Variants in ANO1 observed in about 807,000 individuals in gnomAD.
ANO1 encodes anoctamin 1.
In ANO1, 59 loss-of-function variants were observed where a neutral mutation model predicts 124.0. That is an observed-to-expected ratio of 0.48 (90% CI 0.39 to 0.59). The LOEUF (loss-of-function observed/expected upper bound fraction) is 0.59. ANO1 is among the 20% of genes least tolerant of loss of function. ANO1 has a pLI of 0.00. For missense variants in ANO1, 1,059 were observed against 1,328.0 expected (o/e 0.80, Z 3.15); for synonymous variants, 529 against 532.0 (o/e 0.99, Z 0.08).
chr11:70,180,656 G>A lies in ANO1; in HGVS notation c.2403+600G>A, dbSNP rs149748187. Among the ~76,000 whole-genome samples, 226 of 152,210 alleles carry A rather than the reference G, an allele frequency of 1.5e-3. 2 individuals are homozygous for A. The highest frequency in any genetic ancestry group is 5.2e-3 in the African/African-American group (215 of 41,540). ...GAGAATAAACAAGAGACAGAGATAG[G>A]TGGGAAGACAGAGACAGAGATAGGA... On this transcript the variant is annotated intron_variant, in intron 23 of 25. Transcript: ENST00000355303.
chr11:70,041,255 G>A (rs1295333653), intron 1 of ANO1, among the ~76,000 whole-genome samples: 4 of 152,336 alleles, frequency 2.6e-5, no homozygotes, highest in Middle Eastern at 3.4e-3. Flanking sequence ...GCAAACAGGA[G>A]AGGGCAAGTA....
chr11:70,030,201 C>T (rs1451092851), intron 1 of ANO1, among the ~76,000 whole-genome samples: 2 of 152,248 alleles, frequency 1.3e-5, no homozygotes, highest in East Asian at 3.8e-4. Flanking sequence ...GCCTTGGGGG[C>T]TGCAGCCCAG....
intron 4 of ANO1, 27 bp downstream of exon 4, chr11:70,104,177 C>T (rs1157848326): frequency 3.7e-6 from 6 of 1,600,084 alleles, no homozygotes; most frequent in Non-Finnish European, 4.3e-6. Context: ...AGCCTGCTCC[C>T]CAAAGGGTCC....
chr11:70,174,836 G>A (rs1327308367), intron 22 of ANO1, among the ~76,000 whole-genome samples: 2 of 152,046 alleles, frequency 1.3e-5, no homozygotes, highest in South Asian at 2.1e-4. Context: ...TGCAGTCCTC[G>A]GAAATTCTGG....
chr11:70,182,638 C>T lies in ANO1; in HGVS notation c.2540C>T (p.Thr847Met), dbSNP rs756184096. Residue 847 changes from threonine (T) to methionine (M), a missense_variant, in exon 24 of 26, where the codon ACG becomes ATG. This residue lies in a region of ANO1 where 809 missense variants were observed against 1,094.9 expected (regional missense o/e 0.74). Transcript: ENST00000355303. The stretch of plus-strand genomic sequence containing the variant: ...AACGTCAGTGACTTCCAGAACGGCA[C>T]GGCCCCCAATGACCCCCTGGACCTG... Reference protein sequence around the residue: ...SFNVSDFQNGTAPNDPLDLGY... With the variant: ...SFNVSDFQNGMAPNDPLDLGY... 6 of 1,612,308 alleles carry T rather than the reference C, an allele frequency of 3.7e-6. No homozygotes were observed. Among genetic ancestry groups the T allele is most frequent in the Admixed American group, 1.7e-5 (1 of 59,810 alleles).
chr11:70,163,393 T>A lies in ANO1; in HGVS notation c.1950+53T>A, dbSNP rs774131035. On this transcript the variant is annotated intron_variant, in intron 19 of 25. Coordinates refer to ENST00000355303, the MANE Select transcript of ANO1 (RefSeq NM_018043.7). ...AGCCCCTTCTGTCTTGCTTACGATT[T>A]GTCTACACCATGCACTTGGGAGAAG... 4.1e-5 allele frequency: 65 copies of A among 1,592,422 alleles called. No individual in the cohort carries two copies. The Admixed American group carries it at 1.1e-3, about 26-fold the overall frequency.
At position 70,088,023 on chromosome 11, in the gene ANO1, G is replaced by T. The variant is rs370908183; in HGVS notation, c.380G>T (p.Arg127Leu). ...MDYHEDDKRF[R>L]REEYEGNLLE... ...TACCACGAGGATGACAAGCGCTTCCGCAGGGAGGAGTACGAGGGCAACCTC... is the reference window on the plus strand; with the variant it reads ...TACCACGAGGATGACAAGCGCTTCCTCAGGGAGGAGTACGAGGGCAACCTC... Residue 127 changes from arginine (R) to leucine (L), a missense_variant, in exon 2 of 26, where the codon CGC (arginine) becomes CTC (leucine). Physicochemically the swap from Arg to Leu is moderately radical, Grantham distance 102. This residue lies in a region of ANO1 where 250 missense variants were observed against 233.1 expected (regional missense o/e 1.07). Transcript: ENST00000355303. 3.9e-6 allele frequency: 6 copies of T among 1,520,334 alleles called. No homozygotes were observed. The East Asian group carries it at 9.6e-5, about 24-fold the overall frequency. The allele number at this position is 1,520,334 out of a possible 1,614,324, so 94.2% of individuals were successfully genotyped here.
At chr11:70,151,937 C>G (rs376637335) in intron 12 of ANO1, among the ~76,000 whole-genome samples, 1 of 152,208 alleles carries the variant, frequency 6.6e-6, no homozygotes, top group Non-Finnish European at 1.5e-5. Flanking sequence ...ACAAAGGCCA[C>G]AGTCCACAGT....
At chr11:70,141,897 G>T (rs972035621) in intron 11 of ANO1, among the ~76,000 whole-genome samples, 2 of 152,104 alleles carry the variant, frequency 1.3e-5, no homozygotes, top group Non-Finnish European at 2.9e-5. Context: ...CCTGGCAGCC[G>T]GGAGCCTGGT....
the ANO1 span, among the ~76,000 whole-genome samples, chr11:69,969,604 C>A: frequency 5.9e-5 from 9 of 152,230 alleles, no homozygotes; most frequent in East Asian, 1.7e-3. Context: ...TTGTGAAATG[C>A]GGCTGCCGGG....
chr11:69,987,186 G>C (rs1447143430), intron 1 of ANO1, among the ~76,000 whole-genome samples: 2 of 152,172 alleles, frequency 1.3e-5, no homozygotes, highest in African/African-American at 4.8e-5. Flanking sequence ...AGCCAGAGCA[G>C]GCAAAAAACC....
At chr11:70,071,029 A>T (rs1186492225) in intron 1 of ANO1, among the ~76,000 whole-genome samples, 1 of 152,158 alleles carries the variant, frequency 6.6e-6, no homozygotes, top group Non-Finnish European at 1.5e-5. Context: ...ACTACATGGT[A>T]GGATCCCTGG....
intron 1 of ANO1, among the ~76,000 whole-genome samples, chr11:70,040,871 A>G (rs1857172309): frequency 6.6e-6 from 1 of 152,190 alleles, no homozygotes; most frequent in Non-Finnish European, 1.5e-5. Flanking sequence ...CTGTCAGAAA[A>G]CAGAACTTAG....
At chr11:70,085,269 G>A (rs976293895) in intron 1 of ANO1, 4 of 967,850 alleles carry the variant, frequency 4.1e-6, no homozygotes, top group Non-Finnish European at 5.8e-6. Context: ...CCTTCATGGG[G>A]CTGGGCATGG....
chr11:70,074,515 A>C (rs1020254168), upstream of ANO1, among the ~76,000 whole-genome samples: 1 of 152,124 alleles, frequency 6.6e-6, no homozygotes, highest in African/African-American at 2.4e-5. Flanking sequence ...CTGAAAGCCT[A>C]GTTTGCTCTC....
chr11:70,059,513 C>T (rs1340034037), intron 1 of ANO1, among the ~76,000 whole-genome samples: 1 of 152,024 alleles, frequency 6.6e-6, no homozygotes, highest in Admixed American at 6.5e-5. Flanking sequence ...TGATCCAAAT[C>T]AGGAGATACT....
At chr11:70,083,552 G>T (rs1195892481) in intron 1 of ANO1, among the ~76,000 whole-genome samples, 1 of 152,188 alleles carries the variant, frequency 6.6e-6, no homozygotes, top group Non-Finnish European at 1.5e-5. Flanking sequence ...GATGATGGGG[G>T]TTCGTATTGA....
chr11:70,160,784 G>A (rs962230180), intron 16 of ANO1, among the ~76,000 whole-genome samples: 7 of 152,234 alleles, frequency 4.6e-5, no homozygotes, highest in Admixed American at 6.5e-5. Context: ...GCCATACTGT[G>A]TCCTGGGCTG....
chr11:70,167,152 A>G (rs778566208), intron 20 of ANO1, 90 bp from the exon 21 acceptor site: 33 of 1,484,856 alleles, frequency 2.2e-5, no homozygotes, highest in Non-Finnish European at 3.0e-5. Context: ...TGTCTCAAAA[A>G]GAAAAAAAGA....
Sources: gnomAD v4.1 joint callset for allele counts (sites outside exome capture counted in the v4.1 genomes callset) on GRCh38, gnomAD v4.1.1 for gene constraint, gnomAD v4.1.1 regional missense constraint, MANE v1.5 for transcripts, NCBI Gene and HGNC (gene_info 2026-07-23, HGNC 2026-07-21) for gene names.